The following ZFAND3 variants were observed in gnomAD, a reference collection of about 807,000 sequenced individuals.
The protein encoded by ZFAND3 is zinc finger AN1-type containing 3.
Under a neutral mutation model 29.6 loss-of-function variants are expected in ZFAND3, and 10 were observed. The ratio of observed to expected loss-of-function variants is 0.34; its 90% confidence interval spans 0.21 to 0.57. The LOEUF is 0.57. Among genes scored for constraint, ZFAND3 ranks in the 20% least tolerant of loss-of-function variants. The probability of loss-of-function intolerance (pLI) is 0.86; values close to 1 mark genes in which losing one functional copy is unlikely to be tolerated. For synonymous variants in ZFAND3, 128 were observed against 112.6 expected, an observed-to-expected ratio of 1.14 and a Z score of -0.87; for missense variants, 230 against 304.5, an observed-to-expected ratio of 0.76 and a Z score of 1.82.
rs532239745 is a variant in ZFAND3, at chr6:38,151,703, A to G, written c.530-532A>G. 7.9e-5 allele frequency among the ~76,000 whole-genome samples: 12 copies of G among 152,338 alleles called. No homozygotes were observed. The East Asian group carries it at 2.1e-3, about 27-fold the overall frequency. On this transcript the variant is annotated intron_variant, in intron 5 of 5. Coordinates refer to ENST00000287218, the MANE Select transcript of ZFAND3 (RefSeq NM_021943.3). ...AATACTTTTTCTAGCACTAGAAATA[A>G]TCCACTTTCCTTTGAGAGCTCCCAC...
intron 5 of ZFAND3, among the ~76,000 whole-genome samples, chr6:38,136,238 G>T (rs1037072475): frequency 1.3e-5 from 2 of 152,214 alleles, no homozygotes; most frequent in African/African-American, 4.8e-5. Context: ...ACTGTCTAGT[G>T]TATTGCTATA....
At chr6:37,853,927 A>T (rs1764329170) in intron 1 of ZFAND3, among the ~76,000 whole-genome samples, 1 of 152,106 alleles carries the variant, frequency 6.6e-6, no homozygotes, top group Admixed American at 6.6e-5. Context: ...AACACATAAA[A>T]ATAGGGCTTT....
intron 1 of ZFAND3, among the ~76,000 whole-genome samples, chr6:37,878,818 G>A (rs1764839802): frequency 6.6e-6 from 1 of 152,178 alleles, no homozygotes; most frequent in African/African-American, 2.4e-5. Context: ...GGAATGAGAG[G>A]TAAACATTTT....
intron 3 of ZFAND3, among the ~76,000 whole-genome samples, chr6:38,075,519 A>G (rs905956985): frequency 1.3e-5 from 2 of 152,206 alleles, no homozygotes; most frequent in Non-Finnish European, 2.9e-5. Context: ...ATGATTGAGC[A>G]AAGGAAAGTG....
In ZFAND3 at chr6:38,064,295, T is replaced by C. The variant is rs77211915; in HGVS notation, c.295+2520T>C. Among the ~76,000 whole-genome samples, 1,002 of 152,314 alleles carry C rather than the reference T, an allele frequency of 6.6e-3. 12 individuals carry two copies. The highest frequency in any genetic ancestry group is 0.023 in the African/African-American group (952 of 41,562). On this transcript the variant is annotated intron_variant, in intron 3 of 5. Coordinates refer to ENST00000287218, the MANE Select transcript of ZFAND3 (RefSeq NM_021943.3). ...GAGGCTGAGATAACAGTAGCTACCA[T>C]TTATTGAGCACTTTGTATATGAGAC... is the stretch of plus-strand genomic sequence containing the variant.
At chr6:38,143,824 A>T (rs1301951449) in intron 5 of ZFAND3, among the ~76,000 whole-genome samples, 1 of 152,076 alleles carries the variant, frequency 6.6e-6, no homozygotes, top group Non-Finnish European at 1.5e-5. Context: ...GAGTCTAATG[A>T]TTTTCCCCCT....
At chr6:37,890,789 A>G (rs558792915) in intron 1 of ZFAND3, among the ~76,000 whole-genome samples, 3 of 152,344 alleles carry the variant, frequency 2.0e-5, no homozygotes, top group African/African-American at 7.2e-5. Context: ...TTTGAATATC[A>G]ACATATAGAA....
At chr6:38,032,922 A>C (rs1763588749) in intron 2 of ZFAND3, among the ~76,000 whole-genome samples, 1 of 152,196 alleles carries the variant, frequency 6.6e-6, no homozygotes, top group African/African-American at 2.4e-5. Context: ...GTGTGTATGA[A>C]TGTACTATGC....
chr6:38,029,810 C>A (rs1345091428), intron 2 of ZFAND3, among the ~76,000 whole-genome samples: 1 of 151,940 alleles, frequency 6.6e-6, no homozygotes, highest in Non-Finnish European at 1.5e-5. Flanking sequence ...TATAAATTAT[C>A]GTCATGTATT....
rs1365344501 is a variant in ZFAND3, at chr6:37,882,647, GC to G, written c.72-47306del. Among the ~76,000 whole-genome samples, 5 of 142,304 alleles carry G rather than the reference GC, an allele frequency of 3.5e-5. No individual in the cohort carries two copies. In the Admixed American group the frequency reaches 3.6e-4, roughly 10 times the overall value. 93.4% of individuals were successfully genotyped at this position (142,304 alleles called of 152,430 possible). ...CATTTGTTTGGTTTGGAGTGTTTGT[GC>G]CCCCCACCCTTCCACCCTTTTGGAT... On this transcript the variant is annotated intron_variant, in intron 1 of 5. Coordinates refer to ENST00000287218, the MANE Select transcript of ZFAND3 (RefSeq NM_021943.3).
At chr6:37,907,688 T>TGA (rs765178854) in intron 1 of ZFAND3, among the ~76,000 whole-genome samples, 1 of 152,226 alleles carries the variant, frequency 6.6e-6, no homozygotes, top group Non-Finnish European at 1.5e-5. Flanking sequence ...AACATTCAAG[T>TGA]ACAAGTCTTT....
Position 38,061,673 on chromosome 6 carries a change from A to G in ZFAND3, c.193A>G (p.Thr65Ala), listed in dbSNP as rs774094275. 3.1e-6 allele frequency: 5 copies of G among 1,614,222 alleles called. No homozygotes were observed. The South Asian group carries it at 3.3e-5, about 11-fold the overall frequency. The change falls in exon 3 of 6, where the codon ACC (threonine) becomes GCC (alanine). Residue 65 changes from threonine to alanine, a missense_variant. Physicochemically the swap from Thr to Ala is moderately conservative, Grantham distance 58. Coordinates refer to ENST00000287218, the MANE Select transcript of ZFAND3 (RefSeq NM_021943.3). The stretch of plus-strand genomic sequence containing the variant: ...ATCAGATTTGTTTTCCGAAGAGACC[A>G]CCAGTGACAACAACAATACCTCGAT... ...SQSDLFSEET[T>A]SDNNNTSITT... is the part of the protein sequence containing the mutation.
chr6:37,890,858 A>G (rs924481474), intron 1 of ZFAND3, among the ~76,000 whole-genome samples: 16 of 152,240 alleles, frequency 1.1e-4, no homozygotes, highest in Admixed American at 9.2e-4. Flanking sequence ...TATCTTGACA[A>G]TTCATCCTAG....
Position 38,152,779 on chromosome 6 carries a change from C to T in ZFAND3, c.*390C>T. The stretch of plus-strand genomic sequence containing the variant: ...AGCTGGTGTTAAAGTTCCCACGACG[C>T]ACATGGCTTTGCCAGAAACTCTGTT... On this transcript the variant is annotated 3_prime_UTR_variant, in exon 6 of 6. Transcript: ENST00000287218. 1.0e-6 allele frequency: 1 copy of T among 992,680 alleles called. No individual in the cohort carries two copies. The highest frequency in any genetic ancestry group is 1.2e-6 in the Non-Finnish European group (1 of 834,774). The allele number at this position is 992,680 out of a possible 1,614,324, so 61.5% of individuals were successfully genotyped here.
At chr6:38,020,087 T>C (rs1763320692) in intron 2 of ZFAND3, among the ~76,000 whole-genome samples, 1 of 152,222 alleles carries the variant, frequency 6.6e-6, no homozygotes, top group African/African-American at 2.4e-5. Context: ...CTGCATGGCA[T>C]AGACTGTAGA....
chr6:38,142,825 G>A (rs1177382118), intron 5 of ZFAND3, among the ~76,000 whole-genome samples: 1 of 152,232 alleles, frequency 6.6e-6, no homozygotes, highest in Non-Finnish European at 1.5e-5. Flanking sequence ...ATGTTTGAAA[G>A]AGCAAGTCAT....
chr6:38,136,420 A>G (rs554330523), intron 5 of ZFAND3, among the ~76,000 whole-genome samples: 3 of 152,322 alleles, frequency 2.0e-5, no homozygotes, highest in South Asian at 4.1e-4. Context: ...CGTGGGGAGT[A>G]CTGCCTGACT....
chr6:37,923,708 A>T (rs1012711834), intron 1 of ZFAND3, among the ~76,000 whole-genome samples: 1 of 152,176 alleles, frequency 6.6e-6, no homozygotes, highest in South Asian at 2.1e-4. Flanking sequence ...CACTACAGCT[A>T]TGATGCCATT....
chr6:38,096,934 G>C (rs1301459466), intron 4 of ZFAND3, among the ~76,000 whole-genome samples: 2 of 151,984 alleles, frequency 1.3e-5, no homozygotes, highest in African/African-American at 2.4e-5. Context: ...GTGCTCTTCT[G>C]TTTTCTGAAT....
Sources: gnomAD v4.1 joint callset for allele counts (sites outside exome capture counted in the v4.1 genomes callset) on GRCh38, gnomAD v4.1.1 for gene constraint, MANE v1.5 for transcripts, NCBI Gene and HGNC (gene_info 2026-07-23, HGNC 2026-07-21) for gene names.